The following TMEM132D variants were observed in gnomAD, a reference collection of about 807,000 sequenced individuals.
The protein encoded by TMEM132D is mature OL transmembrane protein.
Under a neutral mutation model 62.3 loss-of-function variants are expected in TMEM132D, and 21 were observed. The ratio of observed to expected loss-of-function variants is 0.34; its 90% CI spans 0.24 to 0.49. TMEM132D has a LOEUF of 0.49. TMEM132D is among the 20% of genes least tolerant of loss of function. The probability of loss-of-function intolerance (pLI) is 0.99; values close to 1 mark genes in which losing one functional copy is unlikely to be tolerated. For synonymous variants in TMEM132D, 621 were observed against 575.6 expected (o/e 1.08, Z -1.13); for missense variants, 1,346 against 1,402.8 (o/e 0.96, Z 0.65).
chr12:129,714,102 G>T (rs1281677858), intron 1 of TMEM132D, among the ~76,000 whole-genome samples: 1 of 152,120 alleles, frequency 6.6e-6, no homozygotes, highest in Non-Finnish European at 1.5e-5. Context: ...TTCCTCACGT[G>T]CACTGAACTC....
At chr12:129,747,850 AGACACACACACACAC>A (rs1050629966) in intron 1 of TMEM132D, among the ~76,000 whole-genome samples, 159 of 84,108 alleles carry the variant, frequency 1.9e-3, no homozygotes, top group Non-Finnish European at 3.4e-3. Context: ...AGACACACAC[AGACACACACACACAC>A]GACACACACA....
At chr12:129,795,218 T>C (rs192829211) in intron 1 of TMEM132D, among the ~76,000 whole-genome samples, 135 of 152,304 alleles carry the variant, frequency 8.9e-4, no homozygotes, top group African/African-American at 3.2e-3. Context: ...CATCACTGCA[T>C]TGGCTATAAT....
intron 3 of TMEM132D, among the ~76,000 whole-genome samples, chr12:129,399,892 T>TGG (rs199833520): frequency 1.1e-4 from 17 of 151,460 alleles, no homozygotes; most frequent in African/African-American, 3.9e-4. Flanking sequence ...TGTGTGTGTG[T>TGG]GTGGGGGGGT....
intron 1 of TMEM132D, among the ~76,000 whole-genome samples, chr12:129,807,858 A>T (rs1045827847): frequency 6.6e-6 from 1 of 152,210 alleles, no homozygotes; most frequent in Non-Finnish European, 1.5e-5. Context: ...AATTTGTGCT[A>T]TCTGAGATGG....
intron 3 of TMEM132D, among the ~76,000 whole-genome samples, chr12:129,382,912 C>T (rs12305527): frequency 6.6e-6 from 1 of 152,078 alleles, no homozygotes; most frequent in South Asian, 2.1e-4. Context: ...CAATCTGTAC[C>T]TTCCTGTTTG....
intron 4 of TMEM132D, among the ~76,000 whole-genome samples, chr12:129,230,507 A>G (rs1055620458): frequency 6.6e-6 from 1 of 152,250 alleles, no homozygotes; most frequent in African/African-American, 2.4e-5. Context: ...CACTGGTCTC[A>G]TTCTCAACTG....
chr12:129,302,726 C>T lies in TMEM132D; in HGVS notation c.1299+34908G>A, dbSNP rs1881751865. Among the ~76,000 whole-genome samples the T allele has an allele frequency of 2.0e-5, 3 of 152,340 alleles. No individual in the cohort carries two copies. The South Asian group carries it at 6.2e-4, about 32-fold the overall frequency. ...GAGGGAAAACCTAACCCCATAAGCA[C>T]GTGTTCAGTGTCACCTCCTTTTACA... On this transcript the variant is annotated intron_variant, in intron 4 of 8. Transcript: ENST00000422113.
intron 3 of TMEM132D, among the ~76,000 whole-genome samples, chr12:129,508,382 G>A (rs1319726794): frequency 6.6e-6 from 1 of 152,218 alleles, no homozygotes; most frequent in East Asian, 1.9e-4. Context: ...TGAATTGTGT[G>A]CTAGCTGAAG....
intron 3 of TMEM132D, among the ~76,000 whole-genome samples, chr12:129,473,327 T>TTG (rs763922417): frequency 7.7e-6 from 1 of 129,436 alleles, no homozygotes; most frequent in African/African-American, 3.1e-5. Context: ...AGTTTTTGTT[T>TTG]TTTTTTTTTT....
chr12:129,075,692 C>T (rs1401594565), intron 8 of TMEM132D, among the ~76,000 whole-genome samples: 1 of 152,180 alleles, frequency 6.6e-6, no homozygotes, highest in East Asian at 1.9e-4. Context: ...GAGGGAGAAG[C>T]ATCTTGATTG....
chr12:129,903,120 CGCACACACACAT>C lies in TMEM132D; in HGVS notation c.79+129_79+140del. 1.1e-6 allele frequency: 1 copy of C among 910,582 alleles called. No homozygotes were observed. The highest frequency in any genetic ancestry group is 1.7e-6 in the Non-Finnish European group (1 of 595,918). The allele number at this position is 910,582 out of a possible 1,614,324, so 56.4% of individuals were successfully genotyped here. ...CCGCACGAGCGCACGTTCACACGCG[CGCACACACACAT>C]GCACACAAGCGCGCACACACACTTG... On this transcript the variant is annotated intron_variant, in intron 1 of 8. Transcript: ENST00000422113. This position sits in a 1 kb window ranked among gnomAD's most constrained non-coding sequence, Gnocchi z 6.2.
At chr12:129,218,405 C>T (rs1332073716) in intron 4 of TMEM132D, among the ~76,000 whole-genome samples, 3 of 152,190 alleles carry the variant, frequency 2.0e-5, no homozygotes, top group South Asian at 2.1e-4. Context: ...CCTGGCCATA[C>T]GGCATAGCCT....
chr12:129,559,979 G>A (rs1217258788), intron 2 of TMEM132D, among the ~76,000 whole-genome samples: 2 of 152,170 alleles, frequency 1.3e-5, no homozygotes, highest in African/African-American at 4.8e-5. Context: ...GGTAAGGAGG[G>A]TTTGGATGGA....
At chr12:129,250,745 A>G (rs1880243060) in intron 4 of TMEM132D, among the ~76,000 whole-genome samples, 1 of 152,170 alleles carries the variant, frequency 6.6e-6, no homozygotes, top group South Asian at 2.1e-4. Context: ...AAGCCCTCCA[A>G]AGACAAGAAC....
At chr12:129,465,151 C>T (rs568223937) in intron 3 of TMEM132D, among the ~76,000 whole-genome samples, 2 of 152,240 alleles carry the variant, frequency 1.3e-5, no homozygotes, top group African/African-American at 4.8e-5. Context: ...TTTCATTGAG[C>T]AGTGAGTTGT....
Position 129,458,718 on chromosome 12 carries a change from G to C in TMEM132D, c.1115+72341C>G, listed in dbSNP as rs141316807. Among the ~76,000 whole-genome samples, 230 of 152,312 alleles carry C rather than the reference G, an allele frequency of 1.5e-3. 1 individual carries two copies. Among genetic ancestry groups the C allele is most frequent in the African/African-American group, 5.3e-3 (219 of 41,578 alleles). ...TGGAATTCAGACGGGGCCCCTAGCA[G>C]GTGCTAAATTATTTCCCTGAGCAGG... On this transcript the variant is annotated intron_variant, in intron 3 of 8. Coordinates refer to ENST00000422113, the MANE Select transcript of TMEM132D (RefSeq NM_133448.3).
chr12:129,201,221 A>C lies in TMEM132D; in HGVS notation c.1443+8299T>G, dbSNP rs567076551. ...GTCTGTAAGTTGCAACAACAAAAAC[A>C]AAAACCTCAGCAAATTTTTCAGGAG... On this transcript the variant is annotated intron_variant, in intron 5 of 8. Transcript: ENST00000422113. 3.8e-4 allele frequency among the ~76,000 whole-genome samples: 58 copies of C among 152,356 alleles called. 1 individual carries two copies. The highest frequency in any genetic ancestry group is 1.2e-3 in the African/African-American group (48 of 41,588).
At chr12:129,161,871 G>A (rs1877409958) in intron 5 of TMEM132D, among the ~76,000 whole-genome samples, 1 of 152,214 alleles carries the variant, frequency 6.6e-6, no homozygotes, top group Admixed American at 6.5e-5. Flanking sequence ...TGGGGAGGAG[G>A]CAGACTTTAA....
intron 4 of TMEM132D, among the ~76,000 whole-genome samples, chr12:129,242,769 T>C (rs4759935): frequency 0.23 from 35,110 of 151,240 alleles, 4,229 homozygotes; most frequent in Non-Finnish European, 0.26. Flanking sequence ...TATTTTTTCT[T>C]ATTTTCGGTA....
Sources: gnomAD v4.1 joint callset for allele counts (sites outside exome capture counted in the v4.1 genomes callset) on GRCh38, gnomAD v4.1.1 for gene constraint, Gnocchi (gnomAD v3.1) non-coding constraint, MANE v1.5 for transcripts, NCBI Gene and HGNC (gene_info 2026-07-23, HGNC 2026-07-21) for gene names.